UBE2O: variants seen among roughly 807,000 people sequenced by gnomAD.
The protein encoded by UBE2O is (E3-independent) E2 ubiquitin-conjugating enzyme.
UBE2O carries 15 observed loss-of-function variants against 125.8 expected under a neutral mutation model. The ratio of observed to expected loss-of-function variants is 0.12; its 90% CI spans 0.08 to 0.18. The LOEUF is 0.18. Among genes scored for constraint, UBE2O ranks in the 10% least tolerant of loss-of-function variants. The pLI is 1.00. For missense variants in UBE2O, 1,280 were observed against 1,723.6 expected (o/e 0.74, Z 4.56); for synonymous variants, 708 against 703.2 (o/e 1.01, Z -0.11).
rs761999686 is a variant in UBE2O, at chr17:76,398,403, G to A, written c.1897-20C>T. 1.4e-5 allele frequency: 23 copies of A among 1,614,106 alleles called. No homozygotes were observed. Among genetic ancestry groups the A allele is most frequent in the Non-Finnish European group, 1.9e-5 (22 of 1,180,034 alleles). On this transcript the variant is annotated intron_variant, in intron 11 of 17. Coordinates refer to ENST00000319380, the MANE Select transcript of UBE2O (RefSeq NM_022066.4). This position sits in a 1 kb window ranked among gnomAD's most constrained non-coding sequence, Gnocchi z 5.4. ...AATCAGCTGTGGCACAGGACAGGTT[G>A]TCATGAGCTAGGGGTCCTACACCCA...
intron 1 of UBE2O, among the ~76,000 whole-genome samples, chr17:76,448,979 C>T (rs574529816): frequency 6.6e-6 from 1 of 152,368 alleles, no homozygotes; most frequent in Admixed American, 6.5e-5. Flanking sequence ...ATAAGAGACA[C>T]TGGCCACTAG....
Position 76,429,265 on chromosome 17 carries a change from G to GGGAT in UBE2O, c.417+23456_417+23459dup, listed in dbSNP as rs1179150086. Reference sequence around the variant, plus strand: ...TATTTCAAAATAAAAAGTTGGGCTGGGGATGGTGGCTCATGCCTGTGATCC... The same window carrying GGGAT: ...TATTTCAAAATAAAAAGTTGGGCTGGGGATGGATGGTGGCTCATGCCTGTGATCC... On this transcript the variant is annotated intron_variant, in intron 1 of 17. Transcript: ENST00000319380. 4.9e-4 allele frequency among the ~76,000 whole-genome samples: 74 copies of GGGAT among 152,002 alleles called. 1 individual carries two copies. The highest frequency in any genetic ancestry group is 1.8e-3 in the African/African-American group (73 of 41,512).
In UBE2O at chr17:76,395,549, G is replaced by A. The variant is rs965056376; in HGVS notation, c.2946+176C>T. The A allele has an allele frequency of 3.2e-5, 22 of 681,244 alleles. No homozygotes were observed. The highest frequency in any genetic ancestry group is 8.6e-5 in the Admixed American group (3 of 35,080). 42.2% of individuals were successfully genotyped at this position (681,244 alleles called of 1,614,324 possible). A position where few individuals can be genotyped will look rare whatever the true frequency, so the allele number is the denominator to read the frequency against. ...AAAGAACCATCTGGCCTGGACACAC[G>A]GCTGAGTCAGCCCTCACCTGACTGA... On this transcript the variant is annotated intron_variant, in intron 15 of 17. Coordinates refer to ENST00000319380, the MANE Select transcript of UBE2O (RefSeq NM_022066.4). The surrounding 1 kb of genome is among the most constrained non-coding windows in gnomAD (Gnocchi z 5.0).
chr17:76,418,997 A>G (rs2072662925), intron 1 of UBE2O, among the ~76,000 whole-genome samples: 1 of 152,166 alleles, frequency 6.6e-6, no homozygotes, highest in African/African-American at 2.4e-5. Flanking sequence ...AAACAGTTCA[A>G]CTTCTGACTG....
intron 1 of UBE2O, among the ~76,000 whole-genome samples, chr17:76,407,382 T>C (rs2072442893): frequency 1.3e-5 from 2 of 152,232 alleles, no homozygotes; most frequent in Non-Finnish European, 2.9e-5. Context: ...ATCTCCACTC[T>C]GAGATACGGC....
intron 1 of UBE2O, among the ~76,000 whole-genome samples, chr17:76,448,931 G>A (rs1598627632): frequency 1.3e-5 from 2 of 152,246 alleles, no homozygotes; most frequent in South Asian, 2.1e-4. Flanking sequence ...TGGCTACCTC[G>A]CTGAACAGGT....
chr17:76,400,447 A>G lies in UBE2O; in HGVS notation c.998T>C (p.Leu333Pro). ...GCAGTAAGGGCATGCTTACCTGCCTAGGTTTTCCTGGGTGATGACAGAGGG... is the reference window on the plus strand; with the variant it reads ...GCAGTAAGGGCATGCTTACCTGCCTGGGTTTTCCTGGGTGATGACAGAGGG... ...PPPSVITQEN[L>P]GRVKRLGCFD... The change falls in exon 7 of 18, where the codon CTA becomes CCA. Residue 333 changes from leucine (L) to proline (P), a missense_variant. Transcript: ENST00000319380. This position sits in a 1 kb window ranked among gnomAD's most constrained non-coding sequence, Gnocchi z 4.3. 1 of 1,611,216 alleles carries G rather than the reference A, an allele frequency of 6.2e-7. No individual in the cohort carries two copies. The highest frequency in any genetic ancestry group is 1.3e-5 in the African/African-American group (1 of 74,960).
chr17:76,436,672 A>G (rs1302673619), intron 1 of UBE2O, among the ~76,000 whole-genome samples: 1 of 151,602 alleles, frequency 6.6e-6, no homozygotes, highest in Non-Finnish European at 1.5e-5. Context: ...GTTCCTCACA[A>G]CTCCCAAACT....
At position 76,391,077 on chromosome 17, in the gene UBE2O, T is replaced by C; in HGVS notation, c.3745A>G (p.Ser1249Gly). 1 of 1,614,152 alleles carries C rather than the reference T, an allele frequency of 6.2e-7. No homozygotes were observed. Among genetic ancestry groups the C allele is most frequent in the Non-Finnish European group, 8.5e-7 (1 of 1,180,040 alleles). The change falls in exon 18 of 18, where the codon AGT becomes GGT. Residue 1249 changes from serine to glycine, a missense_variant. This residue lies in a region of UBE2O where 233 missense variants were observed against 279.0 expected (regional missense o/e 0.84). Transcript: ENST00000319380. This position sits in a 1 kb window ranked among gnomAD's most constrained non-coding sequence, Gnocchi z 8.4. ...KSYRSFLPEK[S>G]GYPDIGFPLF... ...GGGAAGCCGATGTCAGGGTAGCCAC[T>C]CTTCTCAGGTAAGAAGCTCCGGTAG...
chr17:76,415,866 C>T (rs968958345), intron 1 of UBE2O, among the ~76,000 whole-genome samples: 1 of 147,876 alleles, frequency 6.8e-6, no homozygotes, highest in Admixed American at 6.7e-5. Context: ...TATATACATA[C>T]ATGTATATAC....
intron 1 of UBE2O, among the ~76,000 whole-genome samples, chr17:76,413,716 G>T (rs937114828): frequency 6.6e-6 from 1 of 152,122 alleles, no homozygotes; most frequent in Non-Finnish European, 1.5e-5. Context: ...TTACATCAGA[G>T]GGAGGACATC....
At chr17:76,434,670 T>C (rs2072957649) in intron 1 of UBE2O, among the ~76,000 whole-genome samples, 1 of 151,386 alleles carries the variant, frequency 6.6e-6, no homozygotes, top group South Asian at 2.1e-4. Flanking sequence ...GAGCTCAGAG[T>C]GGTCCCACAC....
intron 1 of UBE2O, among the ~76,000 whole-genome samples, chr17:76,408,563 C>T (rs188104021): frequency 6.6e-6 from 1 of 152,354 alleles, no homozygotes; most frequent in East Asian, 1.9e-4. Context: ...CAGGTCTACA[C>T]ATTTAAAGAC....
intron 15 of UBE2O, among the ~76,000 whole-genome samples, chr17:76,392,718 C>T (rs1252373732): frequency 6.6e-6 from 1 of 151,916 alleles, no homozygotes; most frequent in Non-Finnish European, 1.5e-5. Context: ...TTTGGGAGGC[C>T]GAGACGGGTG....
At chr17:76,445,979 G>A (rs1041296041) in intron 1 of UBE2O, among the ~76,000 whole-genome samples, 6 of 152,324 alleles carry the variant, frequency 3.9e-5, no homozygotes, top group African/African-American at 1.4e-4. Flanking sequence ...TGGAGCCTCA[G>A]GAAGGAGCTA....
chr17:76,453,146 G>T lies in UBE2O; in HGVS notation c.-5C>A. ...GGGGGCTGCGGGATCCGCCATAACTGCTCTGCGCGAGTCTCGGGCGGCGGC... is the reference window on the plus strand; with the variant it reads ...GGGGGCTGCGGGATCCGCCATAACTTCTCTGCGCGAGTCTCGGGCGGCGGC... On this transcript the variant is annotated 5_prime_UTR_variant, in exon 1 of 18. Coordinates refer to ENST00000319380, the MANE Select transcript of UBE2O (RefSeq NM_022066.4). 1.7e-6 allele frequency: 1 copy of T among 582,998 alleles called. No individual in the cohort carries two copies. Among genetic ancestry groups the T allele is most frequent in the Non-Finnish European group, 2.5e-6 (1 of 394,460 alleles). 36.1% of individuals were successfully genotyped at this position (582,998 alleles called of 1,614,324 possible).
intron 13 of UBE2O, among the ~76,000 whole-genome samples, chr17:76,397,109 A>G (rs961567096): frequency 6.6e-6 from 1 of 152,178 alleles, no homozygotes; most frequent in African/African-American, 2.4e-5. Context: ...CATCTGTCCA[A>G]GGCGTTAGGG....
chr17:76,397,787 C>A lies in UBE2O; in HGVS notation c.2115+12G>T. On this transcript the variant is annotated intron_variant, in intron 13 of 17. Transcript: ENST00000319380. ...TCACAAGCTCAGCAGGGGGGTCTTG[C>A]CAGAGCCTCACCTGGGGCAGGATGA... is the stretch of plus-strand genomic sequence containing the variant. The A allele has an allele frequency of 6.2e-7, 1 of 1,613,980 alleles. No individual in the cohort carries two copies. Among genetic ancestry groups the A allele is most frequent in the Non-Finnish European group, 8.5e-7 (1 of 1,179,880 alleles).
Position 76,398,265 on chromosome 17 carries a change from T to C in UBE2O, c.2015A>G (p.Lys672Arg). The C allele has an allele frequency of 5.6e-6, 9 of 1,614,054 alleles. No homozygotes were observed. Among genetic ancestry groups the C allele is most frequent in the Non-Finnish European group, 7.6e-6 (9 of 1,179,910 alleles). Residue 672 changes from lysine to arginine, a missense_variant, in exon 12 of 18, where the codon AAG becomes AGG. By Grantham distance (26) the Lys-to-Arg change is conservative. Transcript: ENST00000319380. The surrounding 1 kb of genome is among the most constrained non-coding windows in gnomAD (Gnocchi z 5.4). ...AATTTGAAGGCGTACCTCATCCTCCTTGTGAGGAGCCCCATCCTCAGTATT... is the reference window on the plus strand; with the variant it reads ...AATTTGAAGGCGTACCTCATCCTCCCTGTGAGGAGCCCCATCCTCAGTATT... The part of the protein sequence containing the change: ...IGNTEDGAPH[K>R]EDEPSVGQVA...
Sources: allele counts gnomAD v4.1 joint callset (sites outside exome capture counted in the v4.1 genomes callset), GRCh38; gene constraint gnomAD v4.1.1; regional missense constraint gnomAD v4.1.1; non-coding constraint Gnocchi (gnomAD v3.1); transcripts MANE v1.5; gene names NCBI Gene and HGNC (gene_info 2026-07-23, HGNC 2026-07-21).